LRRC4C: variants seen among roughly 807,000 people sequenced by gnomAD.
LRRC4C encodes leucine rich repeat containing 4C.
LRRC4C carries 5 observed loss-of-function variants against 33.6 expected under a neutral mutation model. The observed-to-expected ratio is 0.15, with a 90% CI of 0.08 to 0.31. The LOEUF (loss-of-function observed/expected upper bound fraction) is 0.31, where lower values mean the gene tolerates loss of function less well. LRRC4C is among the 10% of genes least tolerant of loss of function. The pLI, the probability that LRRC4C is intolerant of heterozygous loss-of-function variation, is 1.00. For missense variants in LRRC4C, 560 were observed against 796.7 expected (o/e 0.70, Z 3.58); for synonymous variants, 329 against 302.0 (o/e 1.09, Z -0.93).
intron 2 of LRRC4C, among the ~76,000 whole-genome samples, chr11:40,705,140 T>C (rs573262782): frequency 7.9e-4 from 120 of 152,296 alleles, no homozygotes; most frequent in South Asian, 4.6e-3. Flanking sequence ...ATAAAGTAAC[T>C]TGCTCAAGGT....
chr11:40,197,425 G>A (rs956912778), intron 5 of LRRC4C, among the ~76,000 whole-genome samples: 3 of 152,084 alleles, frequency 2.0e-5, no homozygotes, highest in Non-Finnish European at 4.4e-5. Context: ...TTATTAAAAC[G>A]GTGATTGCAT....
chr11:40,161,452 G>C (rs1294537487), intron 5 of LRRC4C, among the ~76,000 whole-genome samples: 3 of 152,178 alleles, frequency 2.0e-5, no homozygotes, highest in Non-Finnish European at 4.4e-5. Context: ...ACATTTAGGA[G>C]TTATTTGAAA....
intron 2 of LRRC4C, among the ~76,000 whole-genome samples, chr11:40,908,000 G>C (rs537559395): frequency 6.6e-6 from 1 of 152,240 alleles, no homozygotes; most frequent in African/African-American, 2.4e-5. Context: ...ATGAAACATA[G>C]GTATTGTTGT....
At chr11:41,065,896 A>AC (rs1938199260) in intron 1 of LRRC4C, among the ~76,000 whole-genome samples, 2 of 152,030 alleles carry the variant, frequency 1.3e-5, no homozygotes, top group Non-Finnish European at 2.9e-5. Context: ...CTCCACAAAA[A>AC]CCCCATCCAA....
chr11:40,399,499 C>T (rs1466741907), intron 3 of LRRC4C, among the ~76,000 whole-genome samples: 1 of 150,722 alleles, frequency 6.6e-6, no homozygotes, highest in Non-Finnish European at 1.5e-5. Context: ...CACATGGACA[C>T]AGGAAGGGGA....
At chr11:40,857,352 C>T (rs1174924376) in intron 2 of LRRC4C, among the ~76,000 whole-genome samples, 1 of 152,186 alleles carries the variant, frequency 6.6e-6, no homozygotes, top group African/African-American at 2.4e-5. Context: ...GATCTCCCCA[C>T]TGACCCTGCC....
intron 2 of LRRC4C, among the ~76,000 whole-genome samples, chr11:40,914,843 C>T (rs571658019): frequency 6.6e-6 from 1 of 152,312 alleles, no homozygotes; most frequent in South Asian, 2.1e-4. Flanking sequence ...TAGGCAACTT[C>T]AGCAAAGTCT....
chr11:41,341,407 G>T (rs1001338975), intron 1 of LRRC4C, among the ~76,000 whole-genome samples: 5 of 152,138 alleles, frequency 3.3e-5, no homozygotes, highest in Non-Finnish European at 5.9e-5. Context: ...CAGCACCTGA[G>T]TATTGCCCTT....
intron 1 of LRRC4C, among the ~76,000 whole-genome samples, chr11:41,302,401 T>C (rs971063381): frequency 5.9e-5 from 9 of 152,206 alleles, no homozygotes; most frequent in Non-Finnish European, 1.2e-4. Flanking sequence ...TGCTTAAGCA[T>C]TGTCTAATTA....
intron 3 of LRRC4C, among the ~76,000 whole-genome samples, chr11:40,427,685 C>A (rs950896882): frequency 6.6e-6 from 1 of 151,824 alleles, no homozygotes; most frequent in Non-Finnish European, 1.5e-5. Flanking sequence ...AAAAAATTAG[C>A]CAGATGTGGT....
At chr11:41,420,461 G>A (rs897974391) in intron 1 of LRRC4C, among the ~76,000 whole-genome samples, 1 of 151,888 alleles carries the variant, frequency 6.6e-6, no homozygotes, top group African/African-American at 2.4e-5. Flanking sequence ...GGCTGCACAT[G>A]GAAAATGATT....
chr11:40,580,820 G>A (rs1027105434), intron 3 of LRRC4C, among the ~76,000 whole-genome samples: 2 of 152,202 alleles, frequency 1.3e-5, no homozygotes, highest in Admixed American at 1.3e-4. Context: ...AGACTTGGAT[G>A]AATGGGCAGT....
chr11:40,459,294 T>C (rs1439752547), intron 3 of LRRC4C, among the ~76,000 whole-genome samples: 1 of 152,176 alleles, frequency 6.6e-6, no homozygotes, highest in Non-Finnish European at 1.5e-5. Flanking sequence ...GTATGCAATT[T>C]ATTTGAAAGA....
At position 41,413,623 on chromosome 11, in the gene LRRC4C, G is replaced by A. The variant is rs189503686; in HGVS notation, c.-496+45808C>T. ...TGTTTCAGCCATTGAGTCCTTCTTG[G>A]AAAGCTTGGTGTATTGTCTAGCTGG... On this transcript the variant is annotated intron_variant, in intron 1 of 6. Coordinates refer to ENST00000528697, the MANE Select transcript of LRRC4C (RefSeq NM_001258419.2). Among the ~76,000 whole-genome samples the A allele has an allele frequency of 5.7e-3, 868 of 152,256 alleles. 8 individuals carry two copies. Among genetic ancestry groups the A allele is most frequent in the African/African-American group, 0.02 (837 of 41,542 alleles).
chr11:41,412,285 A>T (rs1565652992), intron 1 of LRRC4C, among the ~76,000 whole-genome samples: 1 of 152,198 alleles, frequency 6.6e-6, no homozygotes, highest in African/African-American at 2.4e-5. Flanking sequence ...TAACAATCAC[A>T]TTTATTTTAA....
chr11:40,591,153 G>C (rs971712871), intron 3 of LRRC4C, among the ~76,000 whole-genome samples: 1 of 152,140 alleles, frequency 6.6e-6, no homozygotes, highest in Non-Finnish European at 1.5e-5. Context: ...ACGACCCTCC[G>C]AGCCAGGTAC....
intron 6 of LRRC4C, among the ~76,000 whole-genome samples, chr11:40,127,978 T>C (rs1856378363): frequency 6.6e-6 from 1 of 152,200 alleles, no homozygotes; most frequent in African/African-American, 2.4e-5. Flanking sequence ...TTTAGTCCTC[T>C]TTCTAATTTG....
At chr11:40,655,154 T>A (rs1220478239) in intron 2 of LRRC4C, among the ~76,000 whole-genome samples, 1 of 152,242 alleles carries the variant, frequency 6.6e-6, no homozygotes, top group Non-Finnish European at 1.5e-5. Context: ...ATTTACCTAG[T>A]TATTTATTCA....
At chr11:40,160,178 ATT>A (rs373534855) in intron 5 of LRRC4C, among the ~76,000 whole-genome samples, 1 of 146,380 alleles carries the variant, frequency 6.8e-6, no homozygotes, top group African/African-American at 2.5e-5. Context: ...AGTTGCGAAG[ATT>A]TTTTTTTTTT....
Sources: allele counts gnomAD v4.1 joint callset (sites outside exome capture counted in the v4.1 genomes callset), GRCh38; gene constraint gnomAD v4.1.1; transcripts MANE v1.5; gene names NCBI Gene and HGNC (gene_info 2026-07-23, HGNC 2026-07-21).